Variants in MSMO1 observed in about 807,000 individuals in gnomAD.
The protein encoded by MSMO1 is C-4 methylsterol oxidase.
Under a neutral mutation model 30.4 loss-of-function variants are expected in MSMO1, and 18 were observed. That is an observed-to-expected ratio of 0.59 (90% CI 0.41 to 0.88). The LOEUF is 0.88. MSMO1 is among the 40% of genes least tolerant of loss of function. The pLI is 0.00. For missense variants in MSMO1, 284 were observed against 340.5 expected (o/e 0.83, Z 1.31); for synonymous variants, 84 against 107.9 (o/e 0.78, Z 1.37).
chr4:165,337,744 C>CT (rs758052503), intron 2 of MSMO1, 45 bp from the exon 3 acceptor site: 40 of 1,598,000 alleles, frequency 2.5e-5, no homozygotes, highest in Non-Finnish European at 3.3e-5. Flanking sequence ...AAGTTAAACT[C>CT]TGATAGCAGA....
chr4:165,339,731 T>C (rs542949296), intron 4 of MSMO1, among the ~76,000 whole-genome samples: 2 of 152,328 alleles, frequency 1.3e-5, no homozygotes, highest in South Asian at 4.1e-4. Context: ...ATAAATAGGA[T>C]ATATATATTA....
chr4:165,338,957 A>T (rs1414027679), intron 4 of MSMO1, among the ~76,000 whole-genome samples, 179 bp downstream of exon 4: 5 of 152,160 alleles, frequency 3.3e-5, no homozygotes, highest in Admixed American at 3.3e-4. Flanking sequence ...CATTATTTAA[A>T]TTTCATGGTA....
At position 165,337,773 on chromosome 4, in the gene MSMO1, T is replaced by G. The variant is rs1462081925; in HGVS notation, c.256-16T>G. 1 of 1,612,824 alleles carries G rather than the reference T, an allele frequency of 6.2e-7. No individual in the cohort carries two copies. The highest frequency in any genetic ancestry group is 2.2e-5 in the East Asian group (1 of 44,772). ...TAGCAGAGACTAATATTAGATATTG[T>G]GATTTTTCTTCGTAGGATAAGCCAG... On this transcript the variant is annotated splice_polypyrimidine_tract_variant and intron_variant, in intron 2 of 5. Coordinates refer to ENST00000261507, the MANE Select transcript of MSMO1 (RefSeq NM_006745.5).
chr4:165,329,384 T>C (rs1747324324), intron 1 of MSMO1, among the ~76,000 whole-genome samples: 2 of 152,226 alleles, frequency 1.3e-5, no homozygotes, highest in South Asian at 4.1e-4. Context: ...ACATAATTTT[T>C]GATGGTTTGG....
At chr4:165,333,849 C>T (rs1454548530) in intron 2 of MSMO1, among the ~76,000 whole-genome samples, 2 of 152,082 alleles carry the variant, frequency 1.3e-5, no homozygotes, top group African/African-American at 2.4e-5. Context: ...TGTAAACTAT[C>T]GCTGGGTGCA....
chr4:165,329,464 A>G (rs1747326715), intron 1 of MSMO1, among the ~76,000 whole-genome samples: 1 of 151,882 alleles, frequency 6.6e-6, no homozygotes, highest in Non-Finnish European at 1.5e-5. Flanking sequence ...AGCTAGCACA[A>G]TGAATGCACA....
intron 5 of MSMO1, 79 bp downstream of exon 5, chr4:165,340,454 A>C: frequency 8.2e-7 from 1 of 1,223,832 alleles, no homozygotes; most frequent in South Asian, 1.2e-5. Context: ...TCATATTTCT[A>C]AGGAGACTAA....
chr4:165,329,843 C>A (rs963788574), intron 1 of MSMO1, among the ~76,000 whole-genome samples: 5 of 151,942 alleles, frequency 3.3e-5, no homozygotes, highest in African/African-American at 7.2e-5. Flanking sequence ...ACCATATTGG[C>A]CAGACTGGTC....
At chr4:165,331,029 C>T (rs1013122898) in intron 1 of MSMO1, among the ~76,000 whole-genome samples, 3 of 152,084 alleles carry the variant, frequency 2.0e-5, no homozygotes, top group Admixed American at 6.6e-5. Context: ...GTAGGCTGGG[C>T]GCAGTGGCTC....
intron 1 of MSMO1, 104 bp from the exon 2 acceptor site, chr4:165,333,236 T>G: frequency 1.1e-6 from 1 of 936,108 alleles, no homozygotes; most frequent in Non-Finnish European, 1.6e-6. Flanking sequence ...TTATACTCCT[T>G]TAGTAATTAT....
chr4:165,336,761 A>C (rs1747560646), intron 2 of MSMO1, among the ~76,000 whole-genome samples: 1 of 152,246 alleles, frequency 6.6e-6, no homozygotes, highest in Non-Finnish European at 1.5e-5. Context: ...GGTGAGTAGC[A>C]GCCCTGGTAT....
intron 1 of MSMO1, among the ~76,000 whole-genome samples, chr4:165,333,002 A>G (rs997172590): frequency 3.9e-5 from 6 of 152,144 alleles, no homozygotes; most frequent in Admixed American, 3.9e-4. Flanking sequence ...AAACCCAGCT[A>G]TTGCTCATTT....
intron 1 of MSMO1, among the ~76,000 whole-genome samples, chr4:165,329,544 T>A (rs1309741974): frequency 7.4e-6 from 1 of 135,992 alleles, no homozygotes; most frequent in African/African-American, 2.8e-5. Context: ...AAGAGAAGTA[T>A]CAAATCTTCC....
intron 2 of MSMO1, among the ~76,000 whole-genome samples, chr4:165,335,092 A>G (rs1003462250): frequency 6.6e-6 from 1 of 152,180 alleles, no homozygotes; most frequent in African/African-American, 2.4e-5. Flanking sequence ...GGTTATGTCA[A>G]ATACTATGTC....
At chr4:165,332,714 G>A (rs1464485993) in intron 1 of MSMO1, among the ~76,000 whole-genome samples, 4 of 152,154 alleles carry the variant, frequency 2.6e-5, no homozygotes, top group Non-Finnish European at 4.4e-5. Flanking sequence ...CTCATTTAAT[G>A]AAGTGAAGAT....
At chr4:165,337,683 C>T in intron 2 of MSMO1, 106 bp from the exon 3 acceptor site, 1 of 1,125,458 alleles carries the variant, frequency 8.9e-7, no homozygotes, top group Admixed American at 1.9e-5. Context: ...ATAAAGTTAA[C>T]ATAACTGACG....
At chr4:165,333,097 C>T (rs1453262281) in intron 1 of MSMO1, among the ~76,000 whole-genome samples, 1 of 152,030 alleles carries the variant, frequency 6.6e-6, no homozygotes, top group Non-Finnish European at 1.5e-5. Flanking sequence ...GTTCTTTTAG[C>T]TATTGTTCTT....
chr4:165,333,663 A>T, intron 2 of MSMO1, 38 bp downstream of exon 2: 1 of 1,520,926 alleles, frequency 6.6e-7, no homozygotes, highest in Non-Finnish European at 8.9e-7. Context: ...ATTATCATTA[A>T]TGTTGCTGAA....
At chr4:165,334,653 AGCCTGT>A (rs1333116891) in intron 2 of MSMO1, among the ~76,000 whole-genome samples, 1 of 152,248 alleles carries the variant, frequency 6.6e-6, no homozygotes, top group African/African-American at 2.4e-5. Flanking sequence ...TCTCATATGT[AGCCTGT>A]GAGCTTGACG....
Sources: gnomAD v4.1 joint callset for allele counts (sites outside exome capture counted in the v4.1 genomes callset) on GRCh38, gnomAD v4.1.1 for gene constraint, MANE v1.5 for transcripts, NCBI Gene and HGNC (gene_info 2026-07-23, HGNC 2026-07-21) for gene names.